The following ROBO1 variants were observed in gnomAD, a reference collection of about 807,000 sequenced individuals.
ROBO1 encodes the protein roundabout homolog 1.
Under a neutral mutation model 195.9 loss-of-function variants are expected in ROBO1, and 149 were observed. The ratio of observed to expected loss-of-function variants is 0.76; its 90% CI spans 0.67 to 0.87. ROBO1 has a LOEUF of 0.87. ROBO1 is among the 40% of genes least tolerant of loss of function. The pLI, the probability that ROBO1 is intolerant of heterozygous loss-of-function variation, is 0.00. For missense variants in ROBO1, 1,933 were observed against 2,068.3 expected, an observed-to-expected ratio of 0.93 and a Z score of 1.27; for synonymous variants, 816 against 733.2, an observed-to-expected ratio of 1.11 and a Z score of -1.82.
At chr3:78,677,262 C>G (rs549064669) in intron 10 of ROBO1, among the ~76,000 whole-genome samples, 3 of 152,306 alleles carry the variant, frequency 2.0e-5, no homozygotes, top group African/African-American at 7.2e-5. Context: ...GAAACTGCAT[C>G]AACCAATGAG....
rs149650382 is a variant in ROBO1 at position 79,244,044 on chromosome 3, C to T, written c.89-118505G>A. 2.2e-3 allele frequency among the ~76,000 whole-genome samples: 339 copies of T among 152,252 alleles called. 1 individual carries two copies. Among genetic ancestry groups the T allele is most frequent in the African/African-American group, 7.6e-3 (315 of 41,550 alleles). On this transcript the variant is annotated intron_variant, in intron 2 of 30. Coordinates refer to ENST00000464233, the MANE Select transcript of ROBO1 (RefSeq NM_002941.4). The stretch of plus-strand genomic sequence containing the variant: ...GAAGGGATCCAGTTTCAGCTTTCTG[C>T]ATATGGCTAACCCTCACTATTTCTT...
intron 2 of ROBO1, among the ~76,000 whole-genome samples, chr3:79,180,574 G>C (rs1345737379): frequency 2.0e-5 from 3 of 152,290 alleles, no homozygotes; most frequent in Admixed American, 1.3e-4. Context: ...ACTGCTTAAT[G>C]ACATTGACCT....
intron 24 of ROBO1, among the ~76,000 whole-genome samples, chr3:78,632,577 T>C (rs748414384): frequency 4.8e-4 from 73 of 152,208 alleles, no homozygotes; most frequent in Non-Finnish European, 6.8e-4. Context: ...ATCTCTCCTA[T>C]ACCTTATTTA....
At chr3:79,352,946 C>T (rs2035402005) in intron 2 of ROBO1, among the ~76,000 whole-genome samples, 1 of 152,062 alleles carries the variant, frequency 6.6e-6, no homozygotes, top group South Asian at 2.1e-4. Context: ...GGAAGTGGAA[C>T]TACTTTTAAA....
chr3:79,257,585 A>C (rs576385699), intron 2 of ROBO1, among the ~76,000 whole-genome samples: 1 of 152,102 alleles, frequency 6.6e-6, no homozygotes, highest in East Asian at 1.9e-4. Flanking sequence ...AACAGCTTAG[A>C]GTTGGGGTTG....
At chr3:78,982,051 A>G (rs1294025705) in intron 3 of ROBO1, among the ~76,000 whole-genome samples, 1 of 152,114 alleles carries the variant, frequency 6.6e-6, no homozygotes, top group Non-Finnish European at 1.5e-5. Flanking sequence ...GGGAGACATT[A>G]TCTGCATAAT....
intron 2 of ROBO1, among the ~76,000 whole-genome samples, chr3:79,393,569 AT>A (rs2037033389): frequency 6.6e-6 from 1 of 152,140 alleles, no homozygotes; most frequent in South Asian, 2.1e-4. Flanking sequence ...AAATATCAAC[AT>A]TTTTGAGAAT....
intron 2 of ROBO1, among the ~76,000 whole-genome samples, chr3:79,436,137 A>G (rs1389614612): frequency 6.6e-6 from 1 of 152,164 alleles, no homozygotes; most frequent in Admixed American, 6.6e-5. Context: ...TTTTAATCCT[A>G]TAGATCATGG....
At position 78,923,187 on chromosome 3, in the gene ROBO1, G is replaced by A. The variant is rs556094541; in HGVS notation, c.499+15414C>T. Among the ~76,000 whole-genome samples the A allele has an allele frequency of 3.4e-4, 51 of 152,232 alleles. 1 individual carries two copies. Among genetic ancestry groups the A allele is most frequent in the African/African-American group, 1.2e-3 (48 of 41,556 alleles). Reference sequence around the variant, plus strand: ...CAGCCCCAGAAAATCAGCTTCAAGAGTTAAGCTCAGAGTACATTCATTCAC... The same window carrying A: ...CAGCCCCAGAAAATCAGCTTCAAGAATTAAGCTCAGAGTACATTCATTCAC... On this transcript the variant is annotated intron_variant, in intron 4 of 30. Transcript: ENST00000464233.
At chr3:79,505,142 T>C (rs1940319217) in intron 2 of ROBO1, among the ~76,000 whole-genome samples, 1 of 152,156 alleles carries the variant, frequency 6.6e-6, no homozygotes, top group South Asian at 2.1e-4. Flanking sequence ...ATTTGCCGCA[T>C]TGGAAGACAG....
intron 3 of ROBO1, among the ~76,000 whole-genome samples, chr3:79,008,359 T>G (rs191202218): frequency 6.6e-6 from 1 of 152,292 alleles, no homozygotes; most frequent in Admixed American, 6.5e-5. Context: ...TGCTTAATAA[T>G]AATTTTTTAT....
At position 78,659,637 on chromosome 3, in the gene ROBO1, T is replaced by TG. The variant is rs368223718; in HGVS notation, c.2442+48dup. The TG allele has an allele frequency of 1.2e-4, 155 of 1,292,098 alleles. No homozygotes were observed. In the African/African-American group the frequency reaches 2.2e-3, roughly 18 times the overall value. 80.0% of individuals were successfully genotyped at this position (1,292,098 alleles called of 1,614,324 possible). A position where few individuals can be genotyped will look rare whatever the true frequency, so the allele number is the denominator to read the frequency against. On this transcript the variant is annotated intron_variant, in intron 17 of 30. Transcript: ENST00000464233. ...CAGCCTGCTTTTTCTTTATGAATGG[T>TG]GGGGGCTGCCCATCAGGACATTAAT...
intron 5 of ROBO1, among the ~76,000 whole-genome samples, chr3:78,727,619 C>T (rs2082196539): frequency 2.6e-5 from 4 of 152,096 alleles, no homozygotes; most frequent in Admixed American, 6.5e-5. Context: ...AGCGAGACTC[C>T]GTCTCAGAAA....
At chr3:79,018,825 C>A (rs1340859689) in intron 3 of ROBO1, 2 of 1,014,974 alleles carry the variant, frequency 2.0e-6, no homozygotes, top group Non-Finnish European at 1.2e-6. Flanking sequence ...CCACAATGTG[C>A]GGCCGAGCGC....
intron 4 of ROBO1, among the ~76,000 whole-genome samples, chr3:78,859,654 T>C (rs2034664888): frequency 6.6e-6 from 1 of 152,104 alleles, no homozygotes. Flanking sequence ...GACACTGAAT[T>C]AGAAATAAAA....
Position 78,670,117 on chromosome 3 carries a change from T to C in ROBO1, c.1527A>G (p.Val509=). Residue 509 remains valine (V), a synonymous_variant, in exon 11 of 31, where the codon GTA becomes GTG. Transcript: ENST00000464233. The stretch of plus-strand genomic sequence containing the variant: ...TTACCTTAGCATATCGGATCTGCAG[T>C]ACTCCATTCTCCAACTGTTTGATTC... The part of the protein sequence containing the change: ...DSRIKQLENG[V]LQIRYAKLGD... The C allele has an allele frequency of 6.2e-7, 1 of 1,613,400 alleles. No homozygotes were observed. The highest frequency in any genetic ancestry group is 1.1e-5 in the South Asian group (1 of 91,006).
intron 4 of ROBO1, among the ~76,000 whole-genome samples, chr3:78,904,860 GTTATCT>G (rs1360080228): frequency 1.3e-5 from 2 of 151,668 alleles, no homozygotes; most frequent in African/African-American, 4.8e-5. Context: ...TTCAAGTGTG[GTTATCT>G]TTATTTATTC....
rs764427434 is a variant in ROBO1 at position 79,125,496 on chromosome 3, G to A, written c.132C>T (p.Ile44=). Residue 44 remains isoleucine, a synonymous_variant, in exon 3 of 31, where the codon ATC becomes ATT. Coordinates refer to ENST00000464233, the MANE Select transcript of ROBO1 (RefSeq NM_002941.4). Reference sequence around the variant, plus strand: ...AATTGTCATCGTTATCAGAGGTGGGGATTGGCGTCCCGTGGTCGTTCCCCC... The same window carrying A: ...AATTGTCATCGTTATCAGAGGTGGGAATTGGCGTCCCGTGGTCGTTCCCCC... ...VERGNDHGTP[I]PTSDNDDNSL... 5 of 1,613,562 alleles carry A rather than the reference G, an allele frequency of 3.1e-6. No homozygotes were observed. Among genetic ancestry groups the A allele is most frequent in the Non-Finnish European group, 4.2e-6 (5 of 1,179,774 alleles).
In ROBO1 at chr3:78,967,990, CAAAT is replaced by C. The variant is rs2076684018; in HGVS notation, c.173-29067_173-29064del. Among the ~76,000 whole-genome samples the C allele has an allele frequency of 2.6e-5, 4 of 152,190 alleles. No individual in the cohort carries two copies. The South Asian group carries it at 8.3e-4, about 32-fold the overall frequency. On this transcript the variant is annotated intron_variant, in intron 3 of 30. Coordinates refer to ENST00000464233, the MANE Select transcript of ROBO1 (RefSeq NM_002941.4). ...GTCATTTTGAGATTAGAACGGCAAA[CAAAT>C]AAATGTTTTCATTTCAGTTTAAGAA...
Sources: allele counts gnomAD v4.1 joint callset (sites outside exome capture counted in the v4.1 genomes callset), GRCh38; gene constraint gnomAD v4.1.1; transcripts MANE v1.5; gene names NCBI Gene and HGNC (gene_info 2026-07-23, HGNC 2026-07-21).